PEMT: variants seen among roughly 807,000 people sequenced by gnomAD.
The protein encoded by PEMT is phosphatidylethanolamine N-methyltransferase, also known as phospholipid methyltransferase.
PEMT carries 23 observed loss-of-function variants against 27.4 expected under a neutral mutation model. That is an observed-to-expected ratio of 0.84 (90% CI 0.60 to 1.19). The LOEUF (loss-of-function observed/expected upper bound fraction) is 1.19. Ranked by LOEUF, PEMT falls within the 50% of genes most tolerant of loss-of-function variation. The pLI, the probability that PEMT is intolerant of heterozygous loss-of-function variation, is 0.00. For missense variants in PEMT, 307 were observed against 310.1 expected (o/e 0.99, Z 0.07); for synonymous variants, 137 against 139.1 (o/e 0.98, Z 0.11).
intron 2 of PEMT, among the ~76,000 whole-genome samples, chr17:17,528,619 A>G (rs1295966446): frequency 6.6e-6 from 1 of 152,192 alleles, no homozygotes; most frequent in Non-Finnish European, 1.5e-5. Context: ...TGTCTGAGTG[A>G]GACGTCCCCG....
Position 17,512,771 on chromosome 17 carries a change from C to A in PEMT, c.321-117G>T. ...CAGGGACCCTTAGAGAGTAGCCAGC[C>A]CAGGGCTGCCAGGCCAGGCAGGCAG... On this transcript the variant is annotated intron_variant, in intron 3 of 6. Transcript: ENST00000255389. The surrounding 1 kb of genome is among the most constrained non-coding windows in gnomAD (Gnocchi z 6.3). The A allele has an allele frequency of 2.1e-6, 2 of 969,292 alleles. No homozygotes were observed. The highest frequency in any genetic ancestry group is 2.7e-6 in the Non-Finnish European group (2 of 728,956). The allele number at this position is 969,292 out of a possible 1,614,324, so 60.0% of individuals were successfully genotyped here.
In PEMT at chr17:17,518,840, G is replaced by T. The variant is rs140130973; in HGVS notation, c.320+3440C>A. Among the ~76,000 whole-genome samples, 311 of 152,302 alleles carry T rather than the reference G, an allele frequency of 2.0e-3. 1 individual carries two copies. The highest frequency in any genetic ancestry group is 3.2e-3 in the Non-Finnish European group (216 of 68,028). ...TGGGGACAGAAAGCAGACGAGTGCT[G>T]CCAGGGACTGGGGGGCGGGAGATGA... On this transcript the variant is annotated intron_variant, in intron 3 of 6. Coordinates refer to ENST00000255389, the MANE Select transcript of PEMT (RefSeq NM_148172.3).
At chr17:17,549,603 C>T (rs748190745) in intron 2 of PEMT, among the ~76,000 whole-genome samples, 1 of 152,222 alleles carries the variant, frequency 6.6e-6, no homozygotes, top group Non-Finnish European at 1.5e-5. Context: ...GGCCACTGTG[C>T]CCAGCCAACC....
Position 17,591,703 on chromosome 17 carries a change from G to C in PEMT, c.-77C>G, listed in dbSNP as rs1912601419. 6.6e-7 allele frequency: 1 copy of C among 1,518,112 alleles called. No homozygotes were observed. Among genetic ancestry groups the C allele is most frequent in the Non-Finnish European group, 8.9e-7 (1 of 1,129,582 alleles). 94.0% of individuals were successfully genotyped at this position (1,518,112 alleles called of 1,614,324 possible). A position where few individuals can be genotyped will look rare whatever the true frequency, so the allele number is the denominator to read the frequency against. On this transcript the variant is annotated 5_prime_UTR_variant, in exon 1 of 7. Coordinates refer to ENST00000255389, the MANE Select transcript of PEMT (RefSeq NM_148172.3). ...CCCGGAACCGGACCTATAGAGCCGG[G>C]TAAGTGCCGCCAGTCGGGGCGCTTT...
Position 17,505,862 on chromosome 17 carries a change from G to C in PEMT, c.654-14C>G. On this transcript the variant is annotated splice_polypyrimidine_tract_variant and intron_variant, in intron 6 of 6. Coordinates refer to ENST00000255389, the MANE Select transcript of PEMT (RefSeq NM_148172.3). Reference sequence around the variant, plus strand: ...GCGGTGAAGGGCCTGCCGGGCAGCGGGGAGAGGCTTCGGTCAGCAGGTCCT... The same window carrying C: ...GCGGTGAAGGGCCTGCCGGGCAGCGCGGAGAGGCTTCGGTCAGCAGGTCCT... 3.7e-6 allele frequency: 6 copies of C among 1,607,072 alleles called. No individual in the cohort carries two copies. Among genetic ancestry groups the C allele is most frequent in the Non-Finnish European group, 5.1e-6 (6 of 1,176,304 alleles).
At chr17:17,560,010 C>T (rs1450477800) in intron 2 of PEMT, among the ~76,000 whole-genome samples, 1 of 152,218 alleles carries the variant, frequency 6.6e-6, no homozygotes, top group African/African-American at 2.4e-5. Flanking sequence ...CCACCAGGCC[C>T]GCCAAGACCC....
chr17:17,531,621 C>CAAA (rs58165466), intron 2 of PEMT, among the ~76,000 whole-genome samples: 29 of 62,404 alleles, frequency 4.6e-4, no homozygotes, highest in African/African-American at 8.5e-4. Flanking sequence ...CTATCATATG[C>CAAA]AAAAAAAAAA....
At chr17:17,576,418 C>T (rs990698549) in intron 2 of PEMT, among the ~76,000 whole-genome samples, 1 of 152,168 alleles carries the variant, frequency 6.6e-6, no homozygotes, top group Non-Finnish European at 1.5e-5. Context: ...CCACCCAGCT[C>T]GCCTAGGTCC....
rs898456993 is a variant in PEMT, at chr17:17,509,518, G to A, written c.494C>T (p.Ala165Val). Residue 165 changes from alanine (A) to valine (V), a missense_variant, in exon 5 of 7, where the codon GCG (alanine) becomes GTG (valine). Ala to Val is a moderately conservative substitution (Grantham distance 64). Coordinates refer to ENST00000255389, the MANE Select transcript of PEMT (RefSeq NM_148172.3). Reference protein sequence around the residue: ...LGDYFGILKEARVTVFPFNIL... With the variant: ...LGDYFGILKEVRVTVFPFNIL... Reference sequence around the variant, plus strand: ...GTTGAAGGGGAACACGGTCACTCTCGCCTCCTTGAGGATCCCGAAGTAATC... The same window carrying A: ...GTTGAAGGGGAACACGGTCACTCTCACCTCCTTGAGGATCCCGAAGTAATC... 20 of 1,613,506 alleles carry A rather than the reference G, an allele frequency of 1.2e-5. No homozygotes were observed. The highest frequency in any genetic ancestry group is 4.5e-5 in the East Asian group (2 of 44,886).
intron 2 of PEMT, among the ~76,000 whole-genome samples, chr17:17,568,782 TGAG>T (rs1911000047): frequency 6.6e-6 from 1 of 152,084 alleles, no homozygotes; most frequent in South Asian, 2.1e-4. Context: ...GAGCTGCAGG[TGAG>T]GAGGTGACTG....
intron 2 of PEMT, among the ~76,000 whole-genome samples, chr17:17,564,181 T>A (rs1299488641): frequency 1.3e-5 from 2 of 152,170 alleles, no homozygotes; most frequent in Non-Finnish European, 2.9e-5. Flanking sequence ...ACCAGGTCCT[T>A]GGGCCGTGGT....
chr17:17,536,840 T>G (rs989333083), intron 2 of PEMT, among the ~76,000 whole-genome samples: 1 of 152,190 alleles, frequency 6.6e-6, no homozygotes, highest in Non-Finnish European at 1.5e-5. Flanking sequence ...CCTGGCAGTG[T>G]CAGCCCCTAC....
At chr17:17,537,396 T>A (rs1908557176) in intron 2 of PEMT, among the ~76,000 whole-genome samples, 1 of 152,174 alleles carries the variant, frequency 6.6e-6, no homozygotes, top group Non-Finnish European at 1.5e-5. Flanking sequence ...CTGCCCTCCA[T>A]GGGTGACTGT....
chr17:17,522,451 G>A, intron 2 of PEMT, 56 bp from the exon 3 acceptor site: 2 of 1,068,474 alleles, frequency 1.9e-6, no homozygotes, highest in Non-Finnish European at 2.9e-6. Context: ...CTCCAGGGTG[G>A]GGGTGGGGAG....
chr17:17,571,362 C>T (rs1911181998), intron 2 of PEMT, among the ~76,000 whole-genome samples: 1 of 152,090 alleles, frequency 6.6e-6, no homozygotes, highest in Non-Finnish European at 1.5e-5. Context: ...GTGAACTCCC[C>T]CAAAGACCCA....
At position 17,566,754 on chromosome 17, in the gene PEMT, G is replaced by C. The variant is rs188878611; in HGVS notation, c.204+10166C>G. Among the ~76,000 whole-genome samples the C allele has an allele frequency of 3.1e-3, 473 of 152,356 alleles. 8 individuals carry two copies. Among genetic ancestry groups the C allele is most frequent in the Admixed American group, 0.027 (407 of 15,308 alleles). Reference sequence around the variant, plus strand: ...CCCAAGCTCTGGGAGATAAGTTTCAGGAGATGCACCCAACTGGGCGCAGGG... The same window carrying C: ...CCCAAGCTCTGGGAGATAAGTTTCACGAGATGCACCCAACTGGGCGCAGGG... On this transcript the variant is annotated intron_variant, in intron 2 of 6. Transcript: ENST00000255389.
intron 2 of PEMT, among the ~76,000 whole-genome samples, chr17:17,575,795 T>A (rs1025700168): frequency 6.6e-6 from 1 of 152,156 alleles, no homozygotes; most frequent in African/African-American, 2.4e-5. Flanking sequence ...TCGGAGTGTG[T>A]CCAGCATGTT....
chr17:17,512,734 T>A lies in PEMT; in HGVS notation c.321-80A>T. 2 of 1,339,628 alleles carry A rather than the reference T, an allele frequency of 1.5e-6. No individual in the cohort carries two copies. The highest frequency in any genetic ancestry group is 2.0e-6 in the Non-Finnish European group (2 of 1,019,812). 83.0% of individuals were successfully genotyped at this position (1,339,628 alleles called of 1,614,324 possible). A position where few individuals can be genotyped will look rare whatever the true frequency, so the allele number is the denominator to read the frequency against. ...CCGGGAGGAGGCCGACCTCATCTTCTCGCCCTCTCCCCAGGGACCCTTAGA... is the reference window on the plus strand; with the variant it reads ...CCGGGAGGAGGCCGACCTCATCTTCACGCCCTCTCCCCAGGGACCCTTAGA... On this transcript the variant is annotated intron_variant, in intron 3 of 6. Coordinates refer to ENST00000255389, the MANE Select transcript of PEMT (RefSeq NM_148172.3). This position sits in a 1 kb window ranked among gnomAD's most constrained non-coding sequence, Gnocchi z 6.3.
intron 2 of PEMT, among the ~76,000 whole-genome samples, chr17:17,544,724 G>A (rs562085843): frequency 6.6e-6 from 1 of 152,284 alleles, no homozygotes; most frequent in South Asian, 2.1e-4. Context: ...CAGAAAAGAC[G>A]TTTCAAAATG....
Sources: gnomAD v4.1 joint callset for allele counts (sites outside exome capture counted in the v4.1 genomes callset) on GRCh38, gnomAD v4.1.1 for gene constraint, Gnocchi (gnomAD v3.1) non-coding constraint, MANE v1.5 for transcripts, NCBI Gene and HGNC (gene_info 2026-07-23, HGNC 2026-07-21) for gene names.